CSMD1: variants seen among roughly 807,000 people sequenced by gnomAD.
CSMD1 encodes the protein CUB and sushi domain-containing protein 1.
A neutral mutation model predicts 417.5 loss-of-function variants in CSMD1; 213 were observed. The observed-to-expected ratio is 0.51, with a 90% CI of 0.46 to 0.57. The LOEUF is 0.57. Among genes scored for constraint, CSMD1 ranks in the 20% least tolerant of loss-of-function variants. The pLI, the probability that CSMD1 is intolerant of heterozygous loss-of-function variation, is 0.00. For synonymous variants in CSMD1, 2,862 were observed against 1,736.8 expected (o/e 1.65, Z -16.11); for missense variants, 6,923 against 4,529.7 (o/e 1.53, Z -15.17).
intron 2 of CSMD1, among the ~76,000 whole-genome samples, chr8:4,580,554 C>A (rs903298365): frequency 6.6e-6 from 1 of 152,108 alleles, no homozygotes; most frequent in Non-Finnish European, 1.5e-5. Flanking sequence ...TTCCCCATGT[C>A]GGGCGTCTCA....
intron 3 of CSMD1, among the ~76,000 whole-genome samples, chr8:4,084,550 G>T (rs2554644): frequency 0.73 from 111,257 of 152,030 alleles, 41,343 homozygotes; most frequent in South Asian, 0.82. Flanking sequence ...AAGGACAATT[G>T]GTAGGATGTT....
chr8:4,313,836 A>G (rs1437247883), intron 3 of CSMD1, among the ~76,000 whole-genome samples: 1 of 152,020 alleles, frequency 6.6e-6, no homozygotes, highest in African/African-American at 2.4e-5. Context: ...CAATATGGTG[A>G]AACCTCATCT....
chr8:4,308,287 G>A (rs1413559647), intron 3 of CSMD1, among the ~76,000 whole-genome samples: 1 of 152,024 alleles, frequency 6.6e-6, no homozygotes, highest in African/African-American at 2.4e-5. Flanking sequence ...AGTTGATGGT[G>A]TGTGTGAAGT....
intron 3 of CSMD1, among the ~76,000 whole-genome samples, chr8:4,132,789 G>A (rs745425285): frequency 2.0e-5 from 3 of 152,144 alleles, no homozygotes; most frequent in Non-Finnish European, 2.9e-5. Flanking sequence ...GACACAAACT[G>A]TGTGTGAATG....
At chr8:3,918,437 ATAAT>A (rs1354176058) in intron 5 of CSMD1, among the ~76,000 whole-genome samples, 2 of 152,142 alleles carry the variant, frequency 1.3e-5, no homozygotes, top group East Asian at 1.9e-4. Context: ...CGTTTGTCTG[ATAAT>A]TAATTATATT....
intron 1 of CSMD1, among the ~76,000 whole-genome samples, chr8:4,877,009 A>G (rs1330027442): frequency 6.6e-6 from 1 of 152,082 alleles, no homozygotes; most frequent in East Asian, 1.9e-4. Context: ...AAGATAAAAG[A>G]GTTTCTCAGA....
rs776706667 is a variant in CSMD1 at position 4,785,059 on chromosome 8, A to G, written c.86-147501T>C. Among the ~76,000 whole-genome samples the G allele has an allele frequency of 7.2e-5, 11 of 152,230 alleles. No homozygotes were observed. The East Asian group carries it at 1.2e-3, about 16-fold the overall frequency. On this transcript the variant is annotated intron_variant, in intron 1 of 69. Coordinates refer to ENST00000635120, the MANE Select transcript of CSMD1 (RefSeq NM_033225.6). The stretch of plus-strand genomic sequence containing the variant: ...TGAATTATTAGAAGTGGATATTTAT[A>G]TAACTATCAGGCAAGAAGGAATCTC...
intron 7 of CSMD1, among the ~76,000 whole-genome samples, chr8:3,656,552 G>C (rs1798120727): frequency 6.6e-6 from 1 of 152,178 alleles, no homozygotes; most frequent in Admixed American, 6.5e-5. Context: ...ATGCTCAAAT[G>C]AGAACATGAG....
At chr8:4,055,818 G>T (rs1313745260) in intron 3 of CSMD1, among the ~76,000 whole-genome samples, 1 of 151,072 alleles carries the variant, frequency 6.6e-6, no homozygotes, top group African/African-American at 2.5e-5. Flanking sequence ...TGAAGCAGAA[G>T]TGTTGATTTT....
At chr8:4,887,701 T>G (rs1373554623) in intron 1 of CSMD1, among the ~76,000 whole-genome samples, 1 of 152,064 alleles carries the variant, frequency 6.6e-6, no homozygotes, top group African/African-American at 2.4e-5. Flanking sequence ...TTGCTTTATT[T>G]GCTTTGTTGG....
chr8:4,494,454 C>A, intron 2 of CSMD1, among the ~76,000 whole-genome samples: 1 of 152,226 alleles, frequency 6.6e-6, no homozygotes, highest in East Asian at 1.9e-4. Context: ...TGCTTGAAAA[C>A]ATTATTATAC....
At chr8:4,627,923 C>G (rs575309642) in intron 2 of CSMD1, among the ~76,000 whole-genome samples, 1 of 152,122 alleles carries the variant, frequency 6.6e-6, no homozygotes, top group East Asian at 1.9e-4. Context: ...CTGTCCACTG[C>G]AGGACGATGA....
In CSMD1 at chr8:4,638,637, A is replaced by G. The variant is rs977150721; in HGVS notation, c.86-1079T>C. ...AAGGCTCAGAGTTCCAAAGAGCAGT[A>G]AGTAAGCAGTAAGTGAATTAGCTTA... On this transcript the variant is annotated intron_variant, in intron 1 of 69. Coordinates refer to ENST00000635120, the MANE Select transcript of CSMD1 (RefSeq NM_033225.6). Among the ~76,000 whole-genome samples, 12 of 152,320 alleles carry G rather than the reference A, an allele frequency of 7.9e-5. No individual in the cohort carries two copies. The Middle Eastern group carries it at 0.01, about 130-fold the overall frequency.
intron 25 of CSMD1, among the ~76,000 whole-genome samples, chr8:3,302,290 TG>T (rs1302624752): frequency 2.6e-5 from 4 of 152,180 alleles, no homozygotes; most frequent in African/African-American, 2.4e-5. Flanking sequence ...GTTTCTTTAA[TG>T]TTTTTTTCTG....
intron 2 of CSMD1, among the ~76,000 whole-genome samples, chr8:4,595,806 C>T (rs571186237): frequency 1.3e-5 from 2 of 152,334 alleles, no homozygotes; most frequent in Admixed American, 1.3e-4. Context: ...GCACCTTTTT[C>T]TCTCTTTCAG....
At chr8:3,287,541 G>A (rs1803252401) in intron 25 of CSMD1, among the ~76,000 whole-genome samples, 1 of 152,014 alleles carries the variant, frequency 6.6e-6, no homozygotes, top group Non-Finnish European at 1.5e-5. Flanking sequence ...TGGATTCCTA[G>A]GTATTTTATT....
At chr8:3,204,423 C>T (rs1797139889) in intron 31 of CSMD1, among the ~76,000 whole-genome samples, 1 of 151,488 alleles carries the variant, frequency 6.6e-6, no homozygotes. Context: ...TTATTTCATT[C>T]AAATTCAGAA....
intron 68 of CSMD1, among the ~76,000 whole-genome samples, chr8:2,948,667 T>C (rs932864509): frequency 6.6e-6 from 1 of 152,134 alleles, no homozygotes; most frequent in African/African-American, 2.4e-5. Context: ...TAAGTTCCAC[T>C]ACTAAAACAA....
rs1053138052 is a variant in CSMD1, at chr8:3,983,315, A to G, written c.818+14588T>C. On this transcript the variant is annotated intron_variant, in intron 5 of 69. Transcript: ENST00000635120. ...CCGGCTAATTTTTTGTATTTTTAGT[A>G]GAGATGGGGTTTCACCGTGTTGGCC... Among the ~76,000 whole-genome samples the G allele has an allele frequency of 2.0e-5, 3 of 151,930 alleles. No individual in the cohort carries two copies. The East Asian group carries it at 5.8e-4, about 29-fold the overall frequency.
Sources: allele counts gnomAD v4.1 joint callset (sites outside exome capture counted in the v4.1 genomes callset), GRCh38; gene constraint gnomAD v4.1.1; transcripts MANE v1.5; gene names NCBI Gene and HGNC (gene_info 2026-07-23, HGNC 2026-07-21).